Variants in ABCC11 observed in about 807,000 individuals in gnomAD.
The protein encoded by ABCC11 is ATP-binding cassette sub-family C member 11.
A neutral mutation model predicts 149.3 loss-of-function variants in ABCC11; 135 were observed. The ratio of observed to expected loss-of-function variants is 0.90; its 90% CI spans 0.79 to 1.04. ABCC11 has a LOEUF of 1.04. Among genes scored for constraint, ABCC11 ranks in the 50% least tolerant of loss-of-function variants. ABCC11 has a pLI of 0.00. For missense variants in ABCC11, 1,680 were observed against 1,722.1 expected (o/e 0.98, Z 0.43); for synonymous variants, 665 against 671.4 (o/e 0.99, Z 0.15).
intron 1 of ABCC11, among the ~76,000 whole-genome samples, chr16:48,236,719 A>G (rs1970708432): frequency 1.3e-5 from 2 of 152,228 alleles, no homozygotes; most frequent in Non-Finnish European, 1.5e-5. Flanking sequence ...ACATCCCATC[A>G]CAGAGATACA....
At chr16:48,192,952 G>T (rs1038002687) in intron 19 of ABCC11, among the ~76,000 whole-genome samples, 2 of 152,164 alleles carry the variant, frequency 1.3e-5, no homozygotes, top group Non-Finnish European at 2.9e-5. Flanking sequence ...GGGCCCTTGT[G>T]CACGCTCTGC....
intron 1 of ABCC11, among the ~76,000 whole-genome samples, chr16:48,233,123 C>T (rs1393885161): frequency 6.6e-6 from 1 of 152,074 alleles, no homozygotes; most frequent in African/African-American, 2.4e-5. Flanking sequence ...ATAACTTGAT[C>T]CTGGAAGGTG....
chr16:48,215,663 T>C (rs1236873730), intron 7 of ABCC11, among the ~76,000 whole-genome samples: 1 of 152,228 alleles, frequency 6.6e-6, no homozygotes, highest in African/African-American at 2.4e-5. Context: ...ATTTCAATAA[T>C]TCAGAGCACA....
At chr16:48,172,674 T>A (rs1965797451) in intron 26 of ABCC11, among the ~76,000 whole-genome samples, 1 of 152,244 alleles carries the variant, frequency 6.6e-6, no homozygotes, top group Non-Finnish European at 1.5e-5. Context: ...TGGCAATGCA[T>A]GAGAGTTTCA....
intron 6 of ABCC11, 81 bp downstream of exon 6, chr16:48,222,517 C>T: frequency 8.3e-7 from 1 of 1,210,224 alleles, no homozygotes; most frequent in Non-Finnish European, 1.2e-6. Flanking sequence ...CCCTTTTCTC[C>T]CTCTCTTGGC....
chr16:48,214,230 G>C (rs2150870878), intron 9 of ABCC11, among the ~76,000 whole-genome samples: 1 of 151,978 alleles, frequency 6.6e-6, no homozygotes, highest in South Asian at 2.1e-4. Context: ...AAGTACCTCT[G>C]AAAGTATTCC....
At chr16:48,230,657 G>A in intron 2 of ABCC11, 84 bp from the exon 3 acceptor site, 2 of 1,347,742 alleles carry the variant, frequency 1.5e-6, no homozygotes, top group Non-Finnish European at 2.0e-6. Context: ...TGCCCATGGA[G>A]AAATGGATTT....
intron 26 of ABCC11, among the ~76,000 whole-genome samples, chr16:48,172,534 C>A (rs952028614): frequency 2.0e-5 from 3 of 151,714 alleles, no homozygotes; most frequent in Non-Finnish European, 4.4e-5. Context: ...CTCAAGCAAG[C>A]CTCCCACCTC....
chr16:48,177,526 C>T (rs188669910), intron 24 of ABCC11, among the ~76,000 whole-genome samples: 9 of 152,310 alleles, frequency 5.9e-5, no homozygotes, highest in African/African-American at 2.2e-4. Flanking sequence ...AGGCATTTCC[C>T]AGGTGAGGAG....
In ABCC11 at chr16:48,198,012, G is replaced by C. The variant is rs201611590; in HGVS notation, c.2273C>G (p.Ala758Gly). ...AGACTCTTCCAGGGAGGTGGCCAGA[G>C]CCTGACTTTCTACCTTTGGCTTCTC... ...IAEKPKVESQ[A>G]LATSLEESLN... is the part of the protein sequence containing the mutation. Residue 758 changes from alanine (A) to glycine (G), a missense_variant, in exon 17 of 30, where the codon GCT (alanine) becomes GGT (glycine). Ala to Gly is a moderately conservative substitution (Grantham distance 60). Transcript: ENST00000356608. 1 of 1,614,206 alleles carries C rather than the reference G, an allele frequency of 6.2e-7. No homozygotes were observed. Among genetic ancestry groups the C allele is most frequent in the East Asian group, 2.2e-5 (1 of 44,876 alleles).
At position 48,167,324 on chromosome 16, in the gene ABCC11, C is replaced by G; in HGVS notation, c.4099G>C (p.Gly1367Arg). Residue 1367 changes from glycine (G) to arginine (R), a missense_variant, in exon 30 of 30, where the codon GGG becomes CGG. Gly to Arg is a moderately radical substitution (Grantham distance 125). Transcript: ENST00000356608. ...DRPEVLRKKPGSLFAALMATA... is the reference protein window; with the variant it reads ...DRPEVLRKKPRSLFAALMATA... Reference sequence around the variant, plus strand: ...GCCATGAGGGCTGCGAACAATGACCCAGGCTTCTTCCGCAGTACCTCCGGC... The same window carrying G: ...GCCATGAGGGCTGCGAACAATGACCGAGGCTTCTTCCGCAGTACCTCCGGC... The G allele has an allele frequency of 1.0e-6, 1 of 1,001,798 alleles. No individual in the cohort carries two copies. The highest frequency in any genetic ancestry group is 1.3e-5 in the South Asian group (1 of 78,966). The allele number at this position is 1,001,798 out of a possible 1,614,324, so 62.1% of individuals were successfully genotyped here. A position where few individuals can be genotyped will look rare whatever the true frequency, so the allele number is the denominator to read the frequency against.
chr16:48,172,662 A>G (rs1219914379), intron 26 of ABCC11, among the ~76,000 whole-genome samples: 1 of 152,140 alleles, frequency 6.6e-6, no homozygotes, highest in Non-Finnish European at 1.5e-5. Flanking sequence ...TTACATCCCC[A>G]CTGGCAATGC....
chr16:48,199,348 G>T (rs1967727003), intron 15 of ABCC11, among the ~76,000 whole-genome samples: 1 of 151,712 alleles, frequency 6.6e-6, no homozygotes, highest in Non-Finnish European at 1.5e-5. Flanking sequence ...AGATACATGG[G>T]TTTTTATTAA....
chr16:48,222,417 C>A (rs975007122), intron 6 of ABCC11, among the ~76,000 whole-genome samples, 181 bp downstream of exon 6: 1 of 152,142 alleles, frequency 6.6e-6, no homozygotes, highest in Non-Finnish European at 1.5e-5. Context: ...TATTGTTGAC[C>A]TGCTTTCATG....
At chr16:48,221,749 T>C (rs1038077132) in intron 6 of ABCC11, among the ~76,000 whole-genome samples, 1 of 152,130 alleles carries the variant, frequency 6.6e-6, no homozygotes, top group Non-Finnish European at 1.5e-5. Flanking sequence ...TGTGTGTGTG[T>C]GTGTGTGTTT....
At position 48,165,789 on chromosome 16, in the gene ABCC11, AT is replaced by A. The variant is rs1373595265; in HGVS notation, c.*1484del. On this transcript the variant is annotated 3_prime_UTR_variant, in exon 30 of 30. Transcript: ENST00000356608. ...TGAGAAATATTGGTTTACTAAATTGATTTTTTATGGCATTTTTTGAAAATCA... is the reference window on the plus strand; with the variant it reads ...TGAGAAATATTGGTTTACTAAATTGATTTTTATGGCATTTTTTGAAAATCA... 2 of 152,194 alleles carry A rather than the reference AT, an allele frequency of 1.3e-5. No individual in the cohort carries two copies. The highest frequency in any genetic ancestry group is 4.8e-5 in the African/African-American group (2 of 41,446). The allele number at this position is 152,194 out of a possible 1,614,324, so 9.4% of individuals were successfully genotyped here.
intron 1 of ABCC11, among the ~76,000 whole-genome samples, chr16:48,242,093 T>C (rs1453967793): frequency 6.6e-6 from 1 of 152,106 alleles, no homozygotes; most frequent in Non-Finnish European, 1.5e-5. Flanking sequence ...TAAACCACCA[T>C]CAGAGTGAAC....
At chr16:48,191,593 C>A (rs1030175357) in intron 20 of ABCC11, among the ~76,000 whole-genome samples, 2 of 152,218 alleles carry the variant, frequency 1.3e-5, no homozygotes, top group African/African-American at 4.8e-5. Context: ...ATAAAGTTGG[C>A]TTGGTTTCAA....
chr16:48,239,463 G>A (rs2150937264), intron 1 of ABCC11, among the ~76,000 whole-genome samples: 1 of 151,162 alleles, frequency 6.6e-6, no homozygotes, highest in East Asian at 2.0e-4. Context: ...TCGGGAGGCT[G>A]AGGCAGGAGA....
Sources: gnomAD v4.1 joint callset for allele counts (sites outside exome capture counted in the v4.1 genomes callset) on GRCh38, gnomAD v4.1.1 for gene constraint, MANE v1.5 for transcripts, NCBI Gene and HGNC (gene_info 2026-07-23, HGNC 2026-07-21) for gene names.